Variants in AK1 observed in about 807,000 individuals in gnomAD.
AK1 encodes the protein adenylate kinase isoenzyme 1.
Under a neutral mutation model 23.9 loss-of-function variants are expected in AK1, and 13 were observed. The observed-to-expected ratio is 0.54, with a 90% CI of 0.35 to 0.86. The LOEUF is 0.86. Ranked by LOEUF, AK1 falls within the 40% of genes least tolerant of loss-of-function variation. The pLI is 0.01. For synonymous variants in AK1, 97 were observed against 102.8 expected (o/e 0.94, Z 0.34); for missense variants, 214 against 255.1 (o/e 0.84, Z 1.10).
intron 4 of AK1, 96 bp from the exon 5 acceptor site, chr9:127,872,035 T>TC (rs1183814842): frequency 1.3e-5 from 14 of 1,057,720 alleles, no homozygotes. Context: ...TGAAATGCCC[T>TC]CTCCCCAACA....
In AK1 at chr9:127,871,375, C is replaced by T. The variant is rs1829405160; in HGVS notation, c.324+448G>A. ...CTGCCCACATATTCTGTTCTCCCCA[C>T]ACTGGCCTTGCCTTTCCAGCCCTGC... On this transcript the variant is annotated intron_variant, in intron 5 of 6. Coordinates refer to ENST00000644144, the MANE Select transcript of AK1 (RefSeq NM_000476.3). This position sits in a 1 kb window ranked among gnomAD's most constrained non-coding sequence, Gnocchi z 4.4. 6.6e-6 allele frequency among the ~76,000 whole-genome samples: 1 copy of T among 151,534 alleles called. No homozygotes were observed. The highest frequency in any genetic ancestry group is 2.5e-5 in the African/African-American group (1 of 40,814).
intron 5 of AK1, among the ~76,000 whole-genome samples, chr9:127,870,292 A>C (rs1829361896): frequency 6.9e-6 from 1 of 144,326 alleles, no homozygotes; most frequent in Admixed American, 7.4e-5. Flanking sequence ...ACCTCCGTCC[A>C]GCCAGGTTCA....
intron 1 of AK1, chr9:127,875,021 CA>C: frequency 3.5e-6 from 1 of 286,758 alleles, no homozygotes. Flanking sequence ...AAACAGGGCG[CA>C]GGGCCAGCGT....
At chr9:127,873,406 G>T in intron 2 of AK1, 1 of 1,583,434 alleles carries the variant, frequency 6.3e-7, no homozygotes. Flanking sequence ...CTGGCTCTCA[G>T]ATCGTCTTCT....
chr9:127,877,212 G>C lies in AK1; in HGVS notation c.-33+411C>G, dbSNP rs1362613874. Among the ~76,000 whole-genome samples the C allele has an allele frequency of 6.6e-6, 1 of 152,252 alleles. No individual in the cohort carries two copies. Among genetic ancestry groups the C allele is most frequent in the East Asian group, 1.9e-4 (1 of 5,176 alleles). ...CCCAGCACTAGAAGTGGAGTGACACGATAGCCCTACGGAGCACAGAGGCTG... is the reference window on the plus strand; with the variant it reads ...CCCAGCACTAGAAGTGGAGTGACACCATAGCCCTACGGAGCACAGAGGCTG... On this transcript the variant is annotated intron_variant, in intron 1 of 6. Coordinates refer to ENST00000644144, the MANE Select transcript of AK1 (RefSeq NM_000476.3). The surrounding 1 kb of genome is among the most constrained non-coding windows in gnomAD (Gnocchi z 5.2).
Position 127,871,859 on chromosome 9 carries a change from C to T in AK1, c.288G>A (p.Pro96=), listed in dbSNP as rs931317223. 4.0e-5 allele frequency: 64 copies of T among 1,614,032 alleles called. No individual in the cohort carries two copies. The highest frequency in any genetic ancestry group is 5.0e-5 in the Admixed American group (3 of 60,000). ...ACTCTTCTCCTTGCTGCACCTCCCGCGGGTAGCCATCAATCAGGAAGCCTT... is the reference window on the plus strand; with the variant it reads ...ACTCTTCTCCTTGCTGCACCTCCCGTGGGTAGCCATCAATCAGGAAGCCTT... ...TSKGFLIDGY[P]REVQQGEEFE... Residue 96 remains proline (P), a synonymous_variant, in exon 5 of 7, where the codon CCG becomes CCA. Coordinates refer to ENST00000644144, the MANE Select transcript of AK1 (RefSeq NM_000476.3). The surrounding 1 kb of genome is among the most constrained non-coding windows in gnomAD (Gnocchi z 4.4).
At chr9:127,870,905 G>A (rs139524781) in intron 5 of AK1, among the ~76,000 whole-genome samples, 13 of 151,858 alleles carry the variant, frequency 8.6e-5, no homozygotes, top group East Asian at 5.8e-4. Context: ...AGCCCTTGCC[G>A]ACCTCTCCCT....
intron 2 of AK1, chr9:127,873,361 C>G: frequency 6.4e-7 from 1 of 1,565,272 alleles, no homozygotes; most frequent in East Asian, 2.4e-5. Flanking sequence ...CATGGCGCCT[C>G]CCTGTGGGTG....
In AK1 at chr9:127,866,502, C is replaced by T. The variant is rs746399990; in HGVS notation, c.*1506G>A. The T allele has an allele frequency of 1.3e-5, 2 of 152,202 alleles. No individual in the cohort carries two copies. The highest frequency in any genetic ancestry group is 2.9e-5 in the Non-Finnish European group (2 of 68,024). The allele number at this position is 152,202 out of a possible 1,614,324, so 9.4% of individuals were successfully genotyped here. A position where few individuals can be genotyped will look rare whatever the true frequency, so the allele number is the denominator to read the frequency against. Reference sequence around the variant, plus strand: ...AGATTCACCTTTTATAACTTAAAATCGTTTATTTTAAAGGAAACTTTAAAT... The same window carrying T: ...AGATTCACCTTTTATAACTTAAAATTGTTTATTTTAAAGGAAACTTTAAAT... On this transcript the variant is annotated 3_prime_UTR_variant, in exon 7 of 7. Transcript: ENST00000644144.
chr9:127,872,740 T>C lies in AK1; in HGVS notation c.157A>G (p.Arg53Gly), dbSNP rs759711164. ...ATGATTTCCGACAGCTTCTTGCCCC[T>C]GGCCGAGCCTGAGCTGACCTCGGAC... ...LRSEVSSGSA[R>G]GKKLSEIMEK... Residue 53 changes from arginine (R) to glycine (G), a missense_variant, in exon 4 of 7, where the codon AGG (arginine) becomes GGG (glycine). Arg to Gly is a moderately radical substitution (Grantham distance 125). Coordinates refer to ENST00000644144, the MANE Select transcript of AK1 (RefSeq NM_000476.3). 1 of 1,614,154 alleles carries C rather than the reference T, an allele frequency of 6.2e-7. No homozygotes were observed. The highest frequency in any genetic ancestry group is 2.2e-5 in the East Asian group (1 of 44,880).
chr9:127,875,032 T>G, intron 1 of AK1: 1 of 279,310 alleles, frequency 3.6e-6, no homozygotes, highest in Non-Finnish European at 7.2e-6. Context: ...AGGGCCAGCG[T>G]CTGCCCAGAC....
In AK1 at chr9:127,873,352, A is replaced by G. The variant is rs1426101612; in HGVS notation, c.8-291T>C. 3.2e-6 allele frequency: 5 copies of G among 1,557,756 alleles called. 1 individual carries two copies. The Admixed American group carries it at 5.7e-5, about 18-fold the overall frequency. On this transcript the variant is annotated intron_variant, in intron 2 of 6. Transcript: ENST00000644144. ...CCAGCGGGCTGGGCCGCCAGCCCTC[A>G]TGGCGCCTCCCTGTGGGTGCCTGGA... is the stretch of plus-strand genomic sequence containing the variant.
rs1055659277 is a variant in AK1, at chr9:127,871,755, C to T, written c.324+68G>A. ...ACCTGCATCACAGCCCCCGCAGGCCCGCCCATGGGGATGGGAGTCTTATCC... is the reference window on the plus strand; with the variant it reads ...ACCTGCATCACAGCCCCCGCAGGCCTGCCCATGGGGATGGGAGTCTTATCC... On this transcript the variant is annotated intron_variant, in intron 5 of 6. Transcript: ENST00000644144. This position sits in a 1 kb window ranked among gnomAD's most constrained non-coding sequence, Gnocchi z 4.4. 29 of 1,345,096 alleles carry T rather than the reference C, an allele frequency of 2.2e-5. No homozygotes were observed. The highest frequency in any genetic ancestry group is 2.5e-5 in the Non-Finnish European group (24 of 945,754). 83.3% of individuals were successfully genotyped at this position (1,345,096 alleles called of 1,614,324 possible). A position where few individuals can be genotyped will look rare whatever the true frequency, so the allele number is the denominator to read the frequency against.
chr9:127,873,422 G>A, intron 2 of AK1: 1 of 1,567,736 alleles, frequency 6.4e-7, no homozygotes, highest in Non-Finnish European at 8.6e-7. Flanking sequence ...CTTCTCTGCG[G>A]GGGTCACTCG....
Position 127,871,219 on chromosome 9 carries a change from C to T in AK1, c.324+604G>A, listed in dbSNP as rs184594957. Among the ~76,000 whole-genome samples the T allele has an allele frequency of 6.6e-6, 1 of 151,738 alleles. No individual in the cohort carries two copies. The highest frequency in any genetic ancestry group is 1.9e-4 in the East Asian group (1 of 5,190). ...AAGGTGTATCTGCAGGATGCTCGTG[C>T]TAGGAAGCTCAGGGCCATCATTTTC... On this transcript the variant is annotated intron_variant, in intron 5 of 6. Transcript: ENST00000644144. This position sits in a 1 kb window ranked among gnomAD's most constrained non-coding sequence, Gnocchi z 4.4.
chr9:127,875,354 G>A (rs1829514247), intron 1 of AK1, among the ~76,000 whole-genome samples: 1 of 141,772 alleles, frequency 7.1e-6, no homozygotes, highest in South Asian at 2.2e-4. Context: ...AATCACACCT[G>A]CGACCCCACC....
At chr9:127,873,777 T>G (rs911263649) in intron 2 of AK1, 2 of 985,398 alleles carry the variant, frequency 2.0e-6, no homozygotes, top group African/African-American at 3.5e-5. Context: ...AGCTCCCCAC[T>G]GGGCTTTCAG....
intron 2 of AK1, chr9:127,874,200 A>G (rs1829486219): frequency 1.0e-6 from 1 of 985,278 alleles, no homozygotes; most frequent in South Asian, 4.7e-5. Context: ...GTCCCAGCCC[A>G]TAGGAACTAG....
rs1829264292 is a variant in AK1, at chr9:127,867,032, A to C, written c.*976T>G. On this transcript the variant is annotated 3_prime_UTR_variant, in exon 7 of 7. Transcript: ENST00000644144. The stretch of plus-strand genomic sequence containing the variant: ...CTTTTTTTTTTTTTTTTTTTTTGAG[A>C]CGGAGTCTTGCTCTGTCACCCAGGC... 1.9e-5 allele frequency: 2 copies of C among 107,048 alleles called. No homozygotes were observed. Among genetic ancestry groups the C allele is most frequent in the Admixed American group, 9.7e-5 (1 of 10,350 alleles). 6.6% of individuals were successfully genotyped at this position (107,048 alleles called of 1,614,324 possible).
Sources: gnomAD v4.1 joint callset for allele counts (sites outside exome capture counted in the v4.1 genomes callset) on GRCh38, gnomAD v4.1.1 for gene constraint, Gnocchi (gnomAD v3.1) non-coding constraint, MANE v1.5 for transcripts, NCBI Gene and HGNC (gene_info 2026-07-23, HGNC 2026-07-21) for gene names.